VPS37C: variants seen among roughly 807,000 people sequenced by gnomAD.
VPS37C encodes VPS37C subunit of ESCRT-I.
In VPS37C, 9 loss-of-function variants were observed where a neutral mutation model predicts 16.1. The ratio of observed to expected loss-of-function variants is 0.56; its 90% CI spans 0.34 to 0.97. VPS37C has a LOEUF of 0.97. VPS37C is among the 50% of genes least tolerant of loss of function. The pLI, the probability that VPS37C is intolerant of heterozygous loss-of-function variation, is 0.02. For missense variants in VPS37C, 479 were observed against 472.7 expected (o/e 1.01, Z -0.12); for synonymous variants, 207 against 206.4 (o/e 1.00, Z -0.02).
chr11:61,150,352 TC>T (rs1430672800), intron 1 of VPS37C, among the ~76,000 whole-genome samples: 1 of 151,994 alleles, frequency 6.6e-6, no homozygotes, highest in African/African-American at 2.4e-5. Flanking sequence ...CCCACCAGGC[TC>T]CCCGGATGAA....
At chr11:61,156,014 G>A (rs1254169157) in intron 1 of VPS37C, among the ~76,000 whole-genome samples, 2 of 152,138 alleles carry the variant, frequency 1.3e-5, no homozygotes, top group African/African-American at 4.8e-5. Context: ...AATATCGCTT[G>A]AAGATAGGCT....
At chr11:61,142,828 T>G in intron 1 of VPS37C, among the ~76,000 whole-genome samples, 13 of 125,252 alleles carry the variant, frequency 1.0e-4, no homozygotes, top group South Asian at 3.0e-4. Context: ...GGGGGAGGGG[T>G]AGCATTGGGA....
intron 1 of VPS37C, among the ~76,000 whole-genome samples, chr11:61,140,938 C>T (rs1006441063): frequency 6.6e-6 from 1 of 152,200 alleles, no homozygotes; most frequent in Non-Finnish European, 1.5e-5. Context: ...AGGTCGGACA[C>T]GGTGGCTCAC....
At chr11:61,136,455 T>C (rs1354493639) in intron 2 of VPS37C, among the ~76,000 whole-genome samples, 1 of 152,140 alleles carries the variant, frequency 6.6e-6, no homozygotes, top group Non-Finnish European at 1.5e-5. Context: ...ATTACAGGCA[T>C]GAGCTACCGC....
chr11:61,132,660 C>T, intron 4 of VPS37C, 121 bp from the exon 5 acceptor site: 1 of 1,326,882 alleles, frequency 7.5e-7, no homozygotes, highest in Non-Finnish European at 1.0e-6. Context: ...ACCCCCTCCT[C>T]TTCCCTGCCC....
At chr11:61,135,006 T>C (rs1415359350) in intron 2 of VPS37C, among the ~76,000 whole-genome samples, 1 of 152,210 alleles carries the variant, frequency 6.6e-6, no homozygotes, top group Admixed American at 6.5e-5. Context: ...CAGACCTGCA[T>C]GCTGAGCCAG....
At chr11:61,142,834 T>C (rs1401994219) in intron 1 of VPS37C, among the ~76,000 whole-genome samples, 1 of 143,344 alleles carries the variant, frequency 7.0e-6, no homozygotes, top group Admixed American at 6.9e-5. Context: ...GGGGTAGCAT[T>C]GGGAGATATA....
intron 1 of VPS37C, among the ~76,000 whole-genome samples, chr11:61,153,648 G>C (rs1853335614): frequency 6.6e-6 from 1 of 152,218 alleles, no homozygotes. Context: ...ACAGACCCCT[G>C]ACAGTGGGAA....
At chr11:61,159,723 T>A (rs28581838) in intron 1 of VPS37C, among the ~76,000 whole-genome samples, 91,501 of 138,544 alleles carry the variant, frequency 0.66, 30,205 homozygotes, top group East Asian at 0.95. Context: ...CAAAAAAAAA[T>A]AAATAAATAA....
At chr11:61,147,973 C>A (rs1287165207) in intron 1 of VPS37C, among the ~76,000 whole-genome samples, 4 of 152,178 alleles carry the variant, frequency 2.6e-5, no homozygotes, top group African/African-American at 9.7e-5. Context: ...CCTTGGTTTC[C>A]TTAATGGGGC....
Position 61,132,389 on chromosome 11 carries a change from C to G in VPS37C, c.499G>C (p.Ala167Pro), listed in dbSNP as rs748222725. The G allele has an allele frequency of 6.2e-7, 1 of 1,604,330 alleles. No individual in the cohort carries two copies. Among genetic ancestry groups the G allele is most frequent in the Non-Finnish European group, 8.5e-7 (1 of 1,175,374 alleles). Residue 167 changes from alanine (A) to proline (P), a missense_variant, in exon 5 of 5, where the codon GCC (alanine) becomes CCC (proline). By Grantham distance (27) the Ala-to-Pro change is conservative. Coordinates refer to ENST00000301765, the MANE Select transcript of VPS37C (RefSeq NM_017966.5). ...GGACGGGGTGGAGGGGCATCGCCGG[C>G]CAGCTCCTGGGAAGCCCTGGGCTTC... ...VRKPRASQEL[A>P]GDAPPPRPPP...
At chr11:61,152,412 A>C (rs1853311012) in intron 1 of VPS37C, among the ~76,000 whole-genome samples, 1 of 152,184 alleles carries the variant, frequency 6.6e-6, no homozygotes, top group Non-Finnish European at 1.5e-5. Flanking sequence ...AAAGGGTGGC[A>C]AAGCTGTATC....
chr11:61,132,539 C>G lies in VPS37C; in HGVS notation c.349G>C (p.Ala117Pro). The G allele has an allele frequency of 6.3e-7, 1 of 1,588,724 alleles. No homozygotes were observed. The highest frequency in any genetic ancestry group is 8.6e-7 in the Non-Finnish European group (1 of 1,166,622). Residue 117 changes from alanine to proline, a missense_variant and splice_region_variant, in exon 5 of 5, where the codon GCC becomes CCC. Physicochemically the swap from Ala to Pro is conservative, Grantham distance 27 (BLOSUM62 -1). Coordinates refer to ENST00000301765, the MANE Select transcript of VPS37C (RefSeq NM_017966.5). ...EGMKIEEESEAMAEKFLEGEV... is the reference protein window; with the variant it reads ...EGMKIEEESEPMAEKFLEGEV... ...CCCTCCAGGAACTTCTCAGCCATGG[C>G]CTGGAAGACATAAGGTCCAGTGACA...
At chr11:61,153,166 C>G (rs1853327503) in intron 1 of VPS37C, among the ~76,000 whole-genome samples, 10 of 152,194 alleles carry the variant, frequency 6.6e-5, no homozygotes, top group Admixed American at 6.5e-4. Flanking sequence ...ATAATCCCCA[C>G]AGGTGGAGGG....
chr11:61,158,396 C>T (rs936915704), intron 1 of VPS37C, among the ~76,000 whole-genome samples: 1 of 152,218 alleles, frequency 6.6e-6, no homozygotes, highest in African/African-American at 2.4e-5. Context: ...AGTTATAGAA[C>T]ACTTGACCCG....
At position 61,131,669 on chromosome 11, in the gene VPS37C, A is replaced by G. The variant is rs1475791607; in HGVS notation, c.*151T>C. The G allele has an allele frequency of 9.2e-7, 1 of 1,091,534 alleles. No homozygotes were observed. Among genetic ancestry groups the G allele is most frequent in the Non-Finnish European group, 1.2e-6 (1 of 860,498 alleles). The allele number at this position is 1,091,534 out of a possible 1,614,324, so 67.6% of individuals were successfully genotyped here. ...AGTGCCATGACCAGTCACACCGCCC[A>G]GTGCCTTGTCCCTCCAAGGCCTCTG... On this transcript the variant is annotated 3_prime_UTR_variant, in exon 5 of 5. Coordinates refer to ENST00000301765, the MANE Select transcript of VPS37C (RefSeq NM_017966.5).
In VPS37C at chr11:61,132,189, C is replaced by T; in HGVS notation, c.699G>A (p.Gln233=). 6.7e-7 allele frequency: 1 copy of T among 1,493,070 alleles called. No homozygotes were observed. Among genetic ancestry groups the T allele is most frequent in the South Asian group, 1.4e-5 (1 of 72,048 alleles). 92.5% of individuals were successfully genotyped at this position (1,493,070 alleles called of 1,614,324 possible). A position where few individuals can be genotyped will look rare whatever the true frequency, so the allele number is the denominator to read the frequency against. Residue 233 remains glutamine (Q), a synonymous_variant, in exon 5 of 5, where the codon CAG becomes CAA. Coordinates refer to ENST00000301765, the MANE Select transcript of VPS37C (RefSeq NM_017966.5). The part of the protein sequence containing the change: ...LPPAPFPVVS[Q]PSFYSGPLGP... ...CCAGAGGCCCGCTGTAGAAGGAGGG[C>T]TGGGACACTACTGGGAAAGGGGCCG...
chr11:61,160,659 G>C (rs1331759176), intron 1 of VPS37C, among the ~76,000 whole-genome samples: 1 of 152,166 alleles, frequency 6.6e-6, no homozygotes, highest in East Asian at 1.9e-4. Flanking sequence ...CCAGGTTGTA[G>C]AGTCCACTCT....
At chr11:61,156,447 T>C (rs1351867481) in intron 1 of VPS37C, among the ~76,000 whole-genome samples, 1 of 152,020 alleles carries the variant, frequency 6.6e-6, no homozygotes. Flanking sequence ...TAGCTGGGCA[T>C]GGTAGGCACA....
Sources: allele counts gnomAD v4.1 joint callset (sites outside exome capture counted in the v4.1 genomes callset), GRCh38; gene constraint gnomAD v4.1.1; transcripts MANE v1.5; gene names NCBI Gene and HGNC (gene_info 2026-07-23, HGNC 2026-07-21).